Variants in CHPF2 observed in about 807,000 individuals in gnomAD.
CHPF2 encodes chondroitin polymerizing factor 2.
In CHPF2, 58 loss-of-function variants were observed where a neutral mutation model predicts 63.0. The observed-to-expected ratio is 0.92, with a 90% confidence interval of 0.75 to 1.15. The LOEUF is 1.15. Ranked by LOEUF, CHPF2 falls within the 50% of genes most tolerant of loss-of-function variation. CHPF2 has a pLI of 0.00. For missense variants in CHPF2, 1,045 were observed against 1,035.4 expected (o/e 1.01, Z -0.13); for synonymous variants, 442 against 438.0 (o/e 1.01, Z -0.11).
intron 3 of CHPF2, 118 bp downstream of exon 3, chr7:151,236,708 T>A: frequency 3.1e-6 from 3 of 966,726 alleles, no homozygotes; most frequent in Non-Finnish European, 4.5e-6. Flanking sequence ...AGGCCCTGTA[T>A]AATGGCAGGG....
intron 1 of CHPF2, among the ~76,000 whole-genome samples, chr7:151,234,587 G>T (rs1487747369): frequency 2.0e-5 from 3 of 152,166 alleles, no homozygotes; most frequent in African/African-American, 7.2e-5. Context: ...TGCCTCCCAG[G>T]TTCAAGTGAT....
At chr7:151,237,076 G>C (rs2446065) in intron 3 of CHPF2, 254,093 of 605,994 alleles carry the variant, frequency 0.42, 55,543 homozygotes, top group East Asian at 0.72. Context: ...GAGTCCTTTG[G>C]GTGTAGGAGA....
At position 151,235,608 on chromosome 7, in the gene CHPF2, A is replaced by G. The variant is rs778282215; in HGVS notation, c.824A>G (p.His275Arg). 6.2e-7 allele frequency: 1 copy of G among 1,601,978 alleles called. No individual in the cohort carries two copies. The highest frequency in any genetic ancestry group is 8.5e-7 in the Non-Finnish European group (1 of 1,175,262). Residue 275 changes from histidine (H) to arginine (R), a missense_variant, in exon 2 of 4, where the codon CAC (histidine) becomes CGC (arginine). By Grantham distance (29) the His-to-Arg change is conservative. Coordinates refer to ENST00000035307, the MANE Select transcript of CHPF2 (RefSeq NM_019015.3). ...DSLGVGCVSQ[H>R]QGQQYRSFEL... ...CTGGGCGTCGGCTGTGTCTCACAGC[A>G]CCAGGTGACAGCTCTTTCAAGTCAG...
Position 151,235,390 on chromosome 7 carries a change from C to G in CHPF2, c.606C>G (p.Asn202Lys), listed in dbSNP as rs1183848178. Residue 202 changes from asparagine (N) to lysine (K), a missense_variant, in exon 2 of 4, where the codon AAC becomes AAG. Transcript: ENST00000035307. Reference protein sequence around the residue: ...LAALAGHLSINQDLYLGRAEE... With the variant: ...LAALAGHLSIKQDLYLGRAEE... ...CCCTTGCTGGCCACCTCAGCATCAA[C>G]CAAGACCTGTACTTAGGCCGGGCAG... 6.2e-7 allele frequency: 1 copy of G among 1,613,658 alleles called. No homozygotes were observed. Among genetic ancestry groups the G allele is most frequent in the Middle Eastern group, 1.6e-4 (1 of 6,062 alleles).
Position 151,233,889 on chromosome 7 carries a change from T to G in CHPF2, c.-123T>G. 1 of 1,354,518 alleles carries G rather than the reference T, an allele frequency of 7.4e-7. No individual in the cohort carries two copies. Among genetic ancestry groups the G allele is most frequent in the Non-Finnish European group, 9.5e-7 (1 of 1,055,860 alleles). 83.9% of individuals were successfully genotyped at this position (1,354,518 alleles called of 1,614,324 possible). A position where few individuals can be genotyped will look rare whatever the true frequency, so the allele number is the denominator to read the frequency against. On this transcript the variant is annotated 5_prime_UTR_variant, in exon 1 of 4. Coordinates refer to ENST00000035307, the MANE Select transcript of CHPF2 (RefSeq NM_019015.3). The stretch of plus-strand genomic sequence containing the variant: ...GAAGCCAGCGGGCCTCGCTCTGTCT[T>G]TGGCCTCATTGACCCCAGGTTCTCT...
At position 151,232,749 on chromosome 7, in the gene CHPF2, TGCGCTCGCG is replaced by T. The variant is rs556475529; in HGVS notation, c.-1260_-1252del. On this transcript the variant is annotated 5_prime_UTR_variant, in exon 1 of 4. Transcript: ENST00000035307. ...GGGCCTTGGGCGTCCCTCCTGGTCC[TGCGCTCGCG>T]GCCTCGATGCTGTCTCTGGCGCGGC... 2.1e-4 allele frequency: 317 copies of T among 1,509,724 alleles called. 1 individual carries two copies. The African/African-American group carries it at 3.9e-3, about 18-fold the overall frequency. The allele number at this position is 1,509,724 out of a possible 1,614,324, so 93.5% of individuals were successfully genotyped here.
At chr7:151,236,672 C>A in intron 3 of CHPF2, 82 bp downstream of exon 3, 1 of 1,318,706 alleles carries the variant, frequency 7.6e-7, no homozygotes, top group Non-Finnish European at 1.0e-6. Flanking sequence ...GTGCAATGAA[C>A]GAGCAGCTGG....
intron 1 of CHPF2, 41 bp from the exon 2 acceptor site, chr7:151,235,007 A>C: frequency 2.7e-6 from 4 of 1,484,090 alleles, no homozygotes; most frequent in Non-Finnish European, 3.6e-6. Flanking sequence ...GGGTTCCTAA[A>C]GATTAGGGAG....
chr7:151,236,814 T>G (rs570883447), intron 3 of CHPF2: 1 of 595,862 alleles, frequency 1.7e-6, no homozygotes, highest in Non-Finnish European at 3.1e-6. Context: ...CCAGCACAAC[T>G]TGAATGCAGC....
chr7:151,236,846 T>C, intron 3 of CHPF2: 1 of 598,114 alleles, frequency 1.7e-6, no homozygotes, highest in South Asian at 1.6e-5. Flanking sequence ...GCAAGTAGAC[T>C]CTGAGGATCA....
chr7:151,233,414 G>A lies in CHPF2; in HGVS notation c.-598G>A. On this transcript the variant is annotated 5_prime_UTR_variant, in exon 1 of 4. Coordinates refer to ENST00000035307, the MANE Select transcript of CHPF2 (RefSeq NM_019015.3). ...CGTCTTCTCAAACACGGGGAGCAGA[G>A]TAGAAAGAGGCTCTGGCCCCTTCCC... The A allele has an allele frequency of 1.0e-6, 1 of 985,764 alleles. No homozygotes were observed. Among genetic ancestry groups the A allele is most frequent in the Non-Finnish European group, 1.2e-6 (1 of 830,154 alleles). 61.1% of individuals were successfully genotyped at this position (985,764 alleles called of 1,614,324 possible). A position where few individuals can be genotyped will look rare whatever the true frequency, so the allele number is the denominator to read the frequency against.
In CHPF2 at chr7:151,237,547, A is replaced by G; in HGVS notation, c.1185A>G (p.Leu395=). The change falls in exon 4 of 4, where the codon CTA becomes CTG. Residue 395 remains leucine, a synonymous_variant. Transcript: ENST00000035307. ...SCADGAPKCP[L]QGASRADVGD... ...CAGATGGGGCTCCCAAGTGCCCACT[A>G]CAGGGGGCTAGCAGGGCGGACGTGG... The G allele has an allele frequency of 1.2e-6, 2 of 1,613,964 alleles. No homozygotes were observed. Among genetic ancestry groups the G allele is most frequent in the South Asian group, 2.2e-5 (2 of 91,092 alleles).
chr7:151,237,883 C>G lies in CHPF2; in HGVS notation c.1521C>G (p.Leu507=), dbSNP rs753982074. ...AAGCTGCTGCAGCCCCGGCTTTCCT[C>G]GAGGCCTTTGCAGCCAATGTCCTGG... ...VAEAAAAPAF[L]EAFAANVLEP... The change falls in exon 4 of 4, where the codon CTC becomes CTG. Residue 507 remains leucine (L), a synonymous_variant. Transcript: ENST00000035307. 1 of 1,612,746 alleles carries G rather than the reference C, an allele frequency of 6.2e-7. No individual in the cohort carries two copies.
In CHPF2 at chr7:151,235,160, C is replaced by G. The variant is rs35423596; in HGVS notation, c.376C>G (p.His126Asp). The G allele has an allele frequency of 1.2e-6, 2 of 1,613,358 alleles. No individual in the cohort carries two copies. Among genetic ancestry groups the G allele is most frequent in the Non-Finnish European group, 1.7e-6 (2 of 1,179,666 alleles). Residue 126 changes from histidine to aspartate, a missense_variant, in exon 2 of 4, where the codon CAT becomes GAT. Physicochemically the swap from His to Asp is moderately conservative, Grantham distance 81. Coordinates refer to ENST00000035307, the MANE Select transcript of CHPF2 (RefSeq NM_019015.3). ...LAVAVNRTVAHHFPRLLYFTG... is the reference protein window; with the variant it reads ...LAVAVNRTVADHFPRLLYFTG... ...CGTGGCTGTGAACCGTACGGTGGCC[C>G]ATCACTTCCCTCGGTTACTCTACTT... is the stretch of plus-strand genomic sequence containing the variant.
Position 151,235,268 on chromosome 7 carries a change from G to A in CHPF2, c.484G>A (p.Glu162Lys), listed in dbSNP as rs1303209314. The A allele has an allele frequency of 6.2e-7, 1 of 1,613,556 alleles. No homozygotes were observed. Among genetic ancestry groups the A allele is most frequent in the Non-Finnish European group, 8.5e-7 (1 of 1,179,836 alleles). The change falls in exon 2 of 4, where the codon GAG (glutamate) becomes AAG (lysine). Residue 162 changes from glutamate (E) to lysine (K), a missense_variant. Transcript: ENST00000035307. ...GDERPAWLMSETLRHLHTHFG... is the reference protein window; with the variant it reads ...GDERPAWLMSKTLRHLHTHFG... Reference sequence around the variant, plus strand: ...TGAGCGGCCCGCCTGGCTCATGTCAGAGACCCTGCGCCACCTTCACACACA... The same window carrying A: ...TGAGCGGCCCGCCTGGCTCATGTCAAAGACCCTGCGCCACCTTCACACACA...
chr7:151,233,428 T>C lies in CHPF2; in HGVS notation c.-584T>C, dbSNP rs1802532647. 1.0e-6 allele frequency: 1 copy of C among 985,684 alleles called. No homozygotes were observed. The highest frequency in any genetic ancestry group is 4.7e-5 in the South Asian group (1 of 21,310). The allele number at this position is 985,684 out of a possible 1,614,324, so 61.1% of individuals were successfully genotyped here. A position where few individuals can be genotyped will look rare whatever the true frequency, so the allele number is the denominator to read the frequency against. On this transcript the variant is annotated 5_prime_UTR_variant, in exon 1 of 4. Transcript: ENST00000035307. ...CGGGGAGCAGAGTAGAAAGAGGCTCTGGCCCCTTCCCTTGTGCCCACCGGG... is the reference window on the plus strand; with the variant it reads ...CGGGGAGCAGAGTAGAAAGAGGCTCCGGCCCCTTCCCTTGTGCCCACCGGG...
At chr7:151,237,326 A>G (rs374069722) in intron 3 of CHPF2, 48 bp from the exon 4 acceptor site, 1 of 1,458,626 alleles carries the variant, frequency 6.9e-7, no homozygotes. Flanking sequence ...GGAGCTGGGT[A>G]GGATCCTGGA....
intron 2 of CHPF2, 36 bp from the exon 3 acceptor site, chr7:151,236,370 CTT>C: frequency 6.6e-7 from 1 of 1,525,588 alleles, no homozygotes; most frequent in Non-Finnish European, 8.9e-7. Flanking sequence ...ACTGGCAGCT[CTT>C]GTGTGTGTCA....
intron 2 of CHPF2, among the ~76,000 whole-genome samples, chr7:151,236,085 A>G (rs920442718): frequency 6.6e-6 from 1 of 152,244 alleles, no homozygotes; most frequent in Non-Finnish European, 1.5e-5. Context: ...TTGAAGAACA[A>G]TGGGAATCTT....
Sources: allele counts gnomAD v4.1 joint callset (sites outside exome capture counted in the v4.1 genomes callset), GRCh38; gene constraint gnomAD v4.1.1; transcripts MANE v1.5; gene names NCBI Gene and HGNC (gene_info 2026-07-23, HGNC 2026-07-21).